The following NLRP10 variants were observed in gnomAD, a reference collection of about 807,000 sequenced individuals.
NLRP10 encodes the protein NLR family pyrin domain containing 10.
Under a neutral mutation model 8.2 loss-of-function variants are expected in NLRP10, and 7 were observed. The observed-to-expected ratio is 0.85, with a 90% confidence interval of 0.48 to 1.60. The LOEUF (loss-of-function observed/expected upper bound fraction) is 1.60, where lower values mean the gene tolerates loss of function less well. NLRP10 is among the 40% of genes most tolerant of loss of function. The pLI, the probability that NLRP10 is intolerant of heterozygous loss-of-function variation, is 0.00. For synonymous variants in NLRP10, 338 were observed against 314.0 expected, an observed-to-expected ratio of 1.08 and a Z score of -0.81; for missense variants, 814 against 776.3, an observed-to-expected ratio of 1.05 and a Z score of -0.58.
At chr11:7,962,228 GTTCT>G (rs1941742964) in intron 2 of NLRP10, among the ~76,000 whole-genome samples, 1 of 36,860 alleles carries the variant, frequency 2.7e-5, no homozygotes, top group African/African-American at 8.4e-5. Flanking sequence ...AGATAAGCCT[GTTCT>G]TTTTTTTTTT....
intron 1 of NLRP10, among the ~76,000 whole-genome samples, chr11:7,964,671 A>G (rs1941791838): frequency 1.3e-5 from 2 of 152,356 alleles, no homozygotes; most frequent in Non-Finnish European, 2.9e-5. Context: ...AAGATAAAGA[A>G]ATAGAAGACA....
chr11:7,962,177 C>T (rs1299839257), intron 2 of NLRP10, among the ~76,000 whole-genome samples: 2 of 149,788 alleles, frequency 1.3e-5, no homozygotes, highest in Non-Finnish European at 3.0e-5. Context: ...TATAAATTAC[C>T]CAGTCTCAGG....
rs1279705352 is a variant in NLRP10 at position 7,960,771 on chromosome 11, G to T, written c.841C>A (p.His281Asn). The T allele has an allele frequency of 6.2e-7, 1 of 1,613,978 alleles. No individual in the cohort carries two copies. Residue 281 changes from histidine (H) to asparagine (N), a missense_variant, in exon 3 of 3, where the codon CAT (histidine) becomes AAT (asparagine). By Grantham distance (68) the His-to-Asn change is moderately conservative. Coordinates refer to ENST00000691676, the MANE Select transcript of NLRP10 (RefSeq NM_001391958.1). ...AGAAGGGAGCACGTGGGGAGTGTAT[G>T]TCTCCTAATTAGAAGGTGCAGCAGG... The part of the protein sequence containing the change: ...ESLLHLLIRR[H>N]TLPTCSLLIT...
chr11:7,963,167 A>G (rs1941761474), intron 2 of NLRP10, 40 bp downstream of exon 2: 1 of 1,579,590 alleles, frequency 6.3e-7, no homozygotes, highest in South Asian at 1.2e-5. Context: ...GGGGAGTCCC[A>G]GTGCCATCCT....
At chr11:7,964,326 A>T (rs1941783631) in intron 1 of NLRP10, among the ~76,000 whole-genome samples, 1 of 152,180 alleles carries the variant, frequency 6.6e-6, no homozygotes, top group Non-Finnish European at 1.5e-5. Flanking sequence ...GGTAAAAAAA[A>T]TCTACACTCA....
rs71452435 is a variant in NLRP10 at position 7,962,231 on chromosome 11, C to CTTTTTTTTTTTTTTTTTTTTTTTT, written c.290-910_290-909insAAAAAAAAAAAAAAAAAAAAAAAA. ...CCAAAGGGACTAAGATAAGCCTGTT[C>CTTTTTTTTTTTTTTTTTTTTTTTT]TTTTTTTTTTTTTTTTTTTTTTGAG... is the stretch of plus-strand genomic sequence containing the variant. On this transcript the variant is annotated intron_variant, in intron 2 of 2. Transcript: ENST00000691676. Among the ~76,000 whole-genome samples the CTTTTTTTTTTTTTTTTTTTTTTTT allele has an allele frequency of 1.8e-4, 12 of 67,000 alleles. 3 individuals carry two copies. The highest frequency in any genetic ancestry group is 1.1e-3 in the East Asian group (2 of 1,770). 44.0% of individuals were successfully genotyped at this position (67,000 alleles called of 152,430 possible).
rs1428799441 is a variant in NLRP10 at position 7,959,586 on chromosome 11, T to G, written c.*58A>C. On this transcript the variant is annotated 3_prime_UTR_variant, in exon 3 of 3. Coordinates refer to ENST00000691676, the MANE Select transcript of NLRP10 (RefSeq NM_001391958.1). Reference sequence around the variant, plus strand: ...CCATTCATTTACAGCTTCTTTGATTTCTTTCCTCAGAGTGTTGTCATTTTC... The same window carrying G: ...CCATTCATTTACAGCTTCTTTGATTGCTTTCCTCAGAGTGTTGTCATTTTC... 6 of 841,880 alleles carry G rather than the reference T, an allele frequency of 7.1e-6. No homozygotes were observed. Among genetic ancestry groups the G allele is most frequent in the Non-Finnish European group, 1.1e-5 (6 of 550,124 alleles). 52.2% of individuals were successfully genotyped at this position (841,880 alleles called of 1,614,324 possible).
Position 7,960,988 on chromosome 11 carries a change from G to T in NLRP10, c.624C>A (p.Cys208Ter). The change falls in exon 3 of 3, where the codon TGC becomes TGA. Residue 208 changes from cysteine to a stop codon, truncating the protein, a stop_gained. Transcript: ENST00000691676. LOFTEE classifies it low-confidence loss of function (END_TRUNC). ...TCTCCAGCAGCAGGACCACTTCTTT[G>T]CAGCTTACATAAAAGACATAATCAA... Reference protein sequence around the residue: ...GRFDYVFYVSCKEVVLLLESK... With the variant: ...GRFDYVFYVS 1.2e-6 allele frequency: 2 copies of T among 1,614,158 alleles called. No individual in the cohort carries two copies. Among genetic ancestry groups the T allele is most frequent in the South Asian group, 1.1e-5 (1 of 91,088 alleles).
chr11:7,958,346 A>C lies in NLRP10; in HGVS notation c.*1298T>G, dbSNP rs930813831. 3.3e-5 allele frequency among the ~76,000 whole-genome samples: 5 copies of C among 152,204 alleles called. No homozygotes were observed. Reference sequence around the variant, plus strand: ...CCATTTTGCATTCTGACCAGCAATGAATAAGGCTCCCACTACTCCACATCC... The same window carrying C: ...CCATTTTGCATTCTGACCAGCAATGCATAAGGCTCCCACTACTCCACATCC... On this transcript the variant is annotated 3_prime_UTR_variant, in exon 3 of 3. Transcript: ENST00000691676.
At position 7,959,996 on chromosome 11, in the gene NLRP10, G is replaced by A; in HGVS notation, c.1616C>T (p.Pro539Leu). 2 of 1,614,036 alleles carry A rather than the reference G, an allele frequency of 1.2e-6. No individual in the cohort carries two copies. The highest frequency in any genetic ancestry group is 1.1e-5 in the South Asian group (1 of 91,064). ...ATGCTTCAGATCCTGCGCTAAACAGGGAGAAATTCTGAAGCAGAACTTGAG... is the reference window on the plus strand; with the variant it reads ...ATGCTTCAGATCCTGCGCTAAACAGAGAGAAATTCTGAAGCAGAACTTGAG... ...LELKFCFRIS[P>L]CLAQDLKHFK... The change falls in exon 3 of 3, where the codon CCC becomes CTC. Residue 539 changes from proline to leucine, a missense_variant. Coordinates refer to ENST00000691676, the MANE Select transcript of NLRP10 (RefSeq NM_001391958.1).
Position 7,959,730 on chromosome 11 carries a change from T to C in NLRP10, c.1882A>G (p.Lys628Glu). ...TTTTGTGTTCCTGCTATATTATCTT[T>C]GCCCTCCTTCTGTCCATGGACAGAA... ...CPSVHGQKEG[K>E]DNIAGTQKEA... The change falls in exon 3 of 3, where the codon AAA becomes GAA. Residue 628 changes from lysine (K) to glutamate (E), a missense_variant. Physicochemically the swap from Lys to Glu is moderately conservative, Grantham distance 56. Transcript: ENST00000691676. 6.2e-7 allele frequency: 1 copy of C among 1,612,778 alleles called. No homozygotes were observed.
intron 1 of NLRP10, 142 bp from the exon 2 acceptor site, chr11:7,963,682 A>G: frequency 1.7e-6 from 1 of 591,174 alleles, no homozygotes; most frequent in South Asian, 2.3e-5. Context: ...GATGAAACGC[A>G]GGGGAATTTT....
At chr11:7,962,228 G>GTTATTTTT (rs1196465022) in intron 2 of NLRP10, among the ~76,000 whole-genome samples, 1 of 36,882 alleles carries the variant, frequency 2.7e-5, no homozygotes, top group Non-Finnish European at 6.0e-5. Flanking sequence ...AGATAAGCCT[G>GTTATTTTT]TTCTTTTTTT....
In NLRP10 at chr11:7,960,855, C is replaced by T. The variant is rs758587798; in HGVS notation, c.757G>A (p.Glu253Lys). The change falls in exon 3 of 3, where the codon GAG (glutamate) becomes AAG (lysine). Residue 253 changes from glutamate (E) to lysine (K), a missense_variant. Physicochemically the swap from Glu to Lys is moderately conservative, Grantham distance 56. Transcript: ENST00000691676. Reference protein sequence around the residue: ...RLLFILDGFDELQRPFEEKLK... With the variant: ...RLLFILDGFDKLQRPFEEKLK... The stretch of plus-strand genomic sequence containing the variant: ...TTTTCTTCAAAGGGCCTCTGCAGCT[C>T]ATCAAAGCCATCCAGGATGAACAGG... 4.3e-6 allele frequency: 7 copies of T among 1,614,084 alleles called. No homozygotes were observed. The Admixed American group carries it at 5.0e-5, about 12-fold the overall frequency.
In NLRP10 at chr11:7,961,259, T is replaced by C; in HGVS notation, c.353A>G (p.Asn118Ser). ...CLEEWQEAGV[N>S]GRYNQVLLVA... ...CAGGAGCACCTGGTTGTATCTGCCA[T>C]TGACTCCTGCTTCCTGCCATTCCTC... Residue 118 changes from asparagine to serine, a missense_variant, in exon 3 of 3, where the codon AAT becomes AGT. By Grantham distance (46) the Asn-to-Ser change is conservative (BLOSUM62 1). Coordinates refer to ENST00000691676, the MANE Select transcript of NLRP10 (RefSeq NM_001391958.1). The C allele has an allele frequency of 6.2e-7, 1 of 1,610,938 alleles. No homozygotes were observed. The highest frequency in any genetic ancestry group is 8.5e-7 in the Non-Finnish European group (1 of 1,178,010).
Position 7,960,685 on chromosome 11 carries a change from A to G in NLRP10, c.927T>C (p.His309=). 1 of 1,614,204 alleles carries G rather than the reference A, an allele frequency of 6.2e-7. No individual in the cohort carries two copies. Among genetic ancestry groups the G allele is most frequent in the Non-Finnish European group, 8.5e-7 (1 of 1,180,050 alleles). Residue 309 remains histidine (H), a synonymous_variant, in exon 3 of 3, where the codon CAT becomes CAC. Coordinates refer to ENST00000691676, the MANE Select transcript of NLRP10 (RefSeq NM_001391958.1). ...NLEPLLKQAR[H]VHILGFSEEE... is the part of the protein sequence containing the mutation. ...CCTCAGAGAAGCCTAGGATATGGAC[A>G]TGACGTGCTTGTTTCAGCAAGGGCT...
At position 7,961,122 on chromosome 11, in the gene NLRP10, G is replaced by T. The variant is rs567835890; in HGVS notation, c.490C>A (p.Leu164Met). The T allele has an allele frequency of 6.2e-7, 1 of 1,614,096 alleles. No homozygotes were observed. The highest frequency in any genetic ancestry group is 1.1e-5 in the South Asian group (1 of 91,074). ...ALFDSGEKPS[L>M]APSLVVLQGS... ...TGTAGCACAACTAAGGATGGGGCCA[G>T]TGAGGGCTTTTCCCCTGAATCAAAT... The change falls in exon 3 of 3, where the codon CTG becomes ATG. Residue 164 changes from leucine to methionine, a missense_variant. Coordinates refer to ENST00000691676, the MANE Select transcript of NLRP10 (RefSeq NM_001391958.1).
chr11:7,963,157 G>C (rs202124187), intron 2 of NLRP10, 50 bp downstream of exon 2: 17 of 1,555,132 alleles, frequency 1.1e-5, no homozygotes, highest in Non-Finnish European at 1.5e-5. Context: ...CATGGTGGGA[G>C]GGGAGTCCCA....
rs191793478 is a variant in NLRP10 at position 7,961,940 on chromosome 11, G to A, written c.290-618C>T. On this transcript the variant is annotated intron_variant, in intron 2 of 2. Coordinates refer to ENST00000691676, the MANE Select transcript of NLRP10 (RefSeq NM_001391958.1). ...ATGAATGTCTTGGGGCCCTCCCCAC[G>A]GTAATGAACGAGTTCTTGCTCTATT... 4.0e-3 allele frequency among the ~76,000 whole-genome samples: 612 copies of A among 152,180 alleles called. 5 individuals are homozygous for A. The highest frequency in any genetic ancestry group is 0.014 in the African/African-American group (571 of 41,522).
Sources: allele counts gnomAD v4.1 joint callset (sites outside exome capture counted in the v4.1 genomes callset), GRCh38; gene constraint gnomAD v4.1.1; transcripts MANE v1.5; gene names NCBI Gene and HGNC (gene_info 2026-07-23, HGNC 2026-07-21).